EPS15: variants seen among roughly 807,000 people sequenced by gnomAD.
EPS15 encodes epidermal growth factor receptor pathway substrate 15.
EPS15 carries 72 observed loss-of-function variants against 113.8 expected under a neutral mutation model. The ratio of observed to expected loss-of-function variants is 0.63; its 90% CI spans 0.52 to 0.77. The LOEUF (loss-of-function observed/expected upper bound fraction) is 0.77. Among genes scored for constraint, EPS15 ranks in the 30% least tolerant of loss-of-function variants. EPS15 has a pLI of 0.00. For synonymous variants in EPS15, 344 were observed against 363.4 expected (o/e 0.95, Z 0.61); for missense variants, 1,048 against 1,045.8 (o/e 1.00, Z -0.03).
chr1:51,496,633 G>C (rs1244075661), intron 1 of EPS15, among the ~76,000 whole-genome samples: 1 of 152,192 alleles, frequency 6.6e-6, no homozygotes, highest in African/African-American at 2.4e-5. Flanking sequence ...CCCAGAATCA[G>C]ACAGACTTGC....
intron 1 of EPS15, among the ~76,000 whole-genome samples, chr1:51,483,398 A>AGTGTGTGTGTGTGTGTGTGTGTGTGT (rs58892404): frequency 7.1e-6 from 1 of 141,694 alleles, no homozygotes; most frequent in Non-Finnish European, 1.5e-5. Context: ...CAAGACTGCA[A>AGTGTGTGTGTGTGTGTGTGTGTGTGT]GTGTGTGTGT....
intron 19 of EPS15, among the ~76,000 whole-genome samples, chr1:51,400,712 C>CAAA (rs375748381): frequency 0.017 from 994 of 59,836 alleles, 4 homozygotes; most frequent in Non-Finnish European, 0.025. Context: ...CAAAAAACAC[C>CAAA]AAAAAAAAAA....
chr1:51,402,527 TA>T lies in EPS15; in HGVS notation c.1792-3del. ...TGAGTCTACATTAAATGGATCTTCC[TA>T]AAAATAATTTTAAATTAAAATTATT... On this transcript the variant is annotated splice_polypyrimidine_tract_variant and splice_region_variant and intron_variant, in intron 17 of 24. Transcript: ENST00000371733. The T allele has an allele frequency of 1.4e-6, 2 of 1,439,052 alleles. No homozygotes were observed. Among genetic ancestry groups the T allele is most frequent in the South Asian group, 1.3e-5 (1 of 76,982 alleles). The allele number at this position is 1,439,052 out of a possible 1,614,324, so 89.1% of individuals were successfully genotyped here. A position where few individuals can be genotyped will look rare whatever the true frequency, so the allele number is the denominator to read the frequency against.
intron 24 of EPS15, among the ~76,000 whole-genome samples, chr1:51,360,633 G>A (rs922790913): frequency 6.6e-6 from 1 of 152,052 alleles, no homozygotes; most frequent in Non-Finnish European, 1.5e-5. Flanking sequence ...CATAAAACTG[G>A]CATTTACATT....
At chr1:51,470,273 G>A (rs1655140563) in intron 4 of EPS15, among the ~76,000 whole-genome samples, 1 of 152,200 alleles carries the variant, frequency 6.6e-6, no homozygotes, top group Non-Finnish European at 1.5e-5. Context: ...CATGCTGCAG[G>A]AGGAAAGTGC....
chr1:51,498,339 C>T (rs1235460280), intron 1 of EPS15, among the ~76,000 whole-genome samples: 1 of 152,174 alleles, frequency 6.6e-6, no homozygotes, highest in Admixed American at 6.5e-5. Context: ...CCCCAATTTA[C>T]AATGGTTCAA....
intron 21 of EPS15, among the ~76,000 whole-genome samples, chr1:51,377,065 G>A (rs960158987): frequency 1.3e-5 from 2 of 152,036 alleles, no homozygotes; most frequent in African/African-American, 4.8e-5. Context: ...TCAGCAGTTC[G>A]AGACCAGCCT....
intron 24 of EPS15, among the ~76,000 whole-genome samples, chr1:51,357,422 ATATATTTT>A (rs1410876351): frequency 3.0e-4 from 21 of 71,058 alleles, no homozygotes; most frequent in Non-Finnish European, 4.4e-4. Flanking sequence ...ATATATATAT[ATATATTTT>A]TTTTTTTTAA....
chr1:51,502,831 C>T (rs761467480), intron 1 of EPS15, among the ~76,000 whole-genome samples: 2 of 151,788 alleles, frequency 1.3e-5, no homozygotes, highest in Non-Finnish European at 2.9e-5. Context: ...ATGGTGAAAC[C>T]GCATCTCTAC....
At chr1:51,431,717 G>C (rs1399710888) in intron 12 of EPS15, among the ~76,000 whole-genome samples, 1 of 152,080 alleles carries the variant, frequency 6.6e-6, no homozygotes, top group East Asian at 1.9e-4. Context: ...AAAGTGCTGG[G>C]ATTACAGGCG....
intron 21 of EPS15, among the ~76,000 whole-genome samples, chr1:51,389,269 C>T (rs924518184): frequency 2.6e-5 from 4 of 151,914 alleles, no homozygotes; most frequent in Non-Finnish European, 4.4e-5. Context: ...AATTCAACAA[C>T]CCTTCATGCT....
At chr1:51,357,362 G>C (rs542190945) in intron 24 of EPS15, among the ~76,000 whole-genome samples, 65 of 108,146 alleles carry the variant, frequency 6.0e-4, no homozygotes, top group Non-Finnish European at 9.6e-4. Flanking sequence ...GGGTGACAAA[G>C]TGAGATTCCA....
chr1:51,445,147 T>A, intron 10 of EPS15, 102 bp from the exon 11 acceptor site: 38 of 988,410 alleles, frequency 3.8e-5, no homozygotes, highest in Non-Finnish European at 5.4e-5. Flanking sequence ...TGAGGTGAAT[T>A]TAAAAAGACA....
chr1:51,407,354 T>C (rs1305792109), intron 15 of EPS15, among the ~76,000 whole-genome samples: 2 of 152,092 alleles, frequency 1.3e-5, no homozygotes, highest in African/African-American at 4.8e-5. Flanking sequence ...GGTACCACCA[T>C]GCCCAGTTAA....
intron 1 of EPS15, among the ~76,000 whole-genome samples, chr1:51,503,439 C>T (rs1034067916): frequency 6.6e-6 from 1 of 152,056 alleles, no homozygotes; most frequent in Non-Finnish European, 1.5e-5. Context: ...AGTTTGAGAC[C>T]AGCCTAGCCA....
chr1:51,511,203 C>G (rs1347105693), intron 1 of EPS15, among the ~76,000 whole-genome samples: 1 of 150,580 alleles, frequency 6.6e-6, no homozygotes, highest in Non-Finnish European at 1.5e-5. Flanking sequence ...TATATCTAAA[C>G]CAGTGATTTG....
chr1:51,421,034 C>G (rs1650703278), intron 13 of EPS15, among the ~76,000 whole-genome samples: 1 of 152,122 alleles, frequency 6.6e-6, no homozygotes, highest in Non-Finnish European at 1.5e-5. Context: ...CGGTGCAGCA[C>G]TAAGGAAACA....
intron 20 of EPS15, among the ~76,000 whole-genome samples, chr1:51,395,076 T>C (rs540987758): frequency 3.3e-4 from 50 of 152,230 alleles, no homozygotes; most frequent in African/African-American, 1.1e-3. Context: ...TGCTATGTTT[T>C]CCTCAAATCC....
At chr1:51,413,379 CTTTCTTTGATTA>C (rs1557444917) in intron 13 of EPS15, among the ~76,000 whole-genome samples, 4 of 152,208 alleles carry the variant, frequency 2.6e-5, no homozygotes, top group Admixed American at 2.0e-4. Flanking sequence ...CATGCTTCAT[CTTTCTTTGATTA>C]TCCAAAATCT....
Sources: gnomAD v4.1 joint callset for allele counts (sites outside exome capture counted in the v4.1 genomes callset) on GRCh38, gnomAD v4.1.1 for gene constraint, MANE v1.5 for transcripts, NCBI Gene and HGNC (gene_info 2026-07-23, HGNC 2026-07-21) for gene names.